Variants in DMD observed in about 807,000 individuals in gnomAD.
DMD encodes the protein dystrophin.
DMD carries 63 observed loss-of-function variants against 330.1 expected under a neutral mutation model. The observed-to-expected ratio is 0.19, with a 90% CI of 0.16 to 0.24. The LOEUF (loss-of-function observed/expected upper bound fraction) is 0.24, where lower values mean the gene tolerates loss of function less well. Among genes scored for constraint, DMD ranks in the 10% least tolerant of loss-of-function variants. DMD has a pLI of 1.00. For missense variants in DMD, 3,344 were observed against 2,684.1 expected (o/e 1.25, Z -5.43); for synonymous variants, 1,223 against 959.8 (o/e 1.27, Z -5.07).
At chrX:31,972,619 G>A (rs1202703032) in intron 44 of DMD, among the ~76,000 whole-genome samples, 5 of 110,950 alleles carry the variant, frequency 4.5e-5, no homozygotes, top group African/African-American at 1.6e-4. Flanking sequence ...AAATGCAACT[G>A]GAAGAAAAGA....
intron 44 of DMD, among the ~76,000 whole-genome samples, chrX:32,212,864 T>A (rs1191203677): frequency 2.7e-5 from 3 of 111,596 alleles, no homozygotes; most frequent in Non-Finnish European, 5.6e-5. Context: ...AAGCACTAAT[T>A]CATGTACTTA....
intron 2 of DMD, among the ~76,000 whole-genome samples, chrX:32,880,778 C>G (rs1321189477): frequency 9.0e-6 from 1 of 111,614 alleles, no homozygotes; most frequent in Non-Finnish European, 1.9e-5. Context: ...AACCTCATCT[C>G]TACTACAAAT....
Position 31,507,352 on chromosome X carries a change from G to T in DMD, c.8319C>A (p.Val2773=). ...TGTTATCCAAACGTCTTTGTAACAG[G>T]ACTGCATCATCGGAACCTTCCAGGG... is the stretch of plus-strand genomic sequence containing the variant. ...LRSLEGSDDA[V]LLQRRLDNMN... is the part of the protein sequence containing the mutation. Residue 2773 remains valine (V), a synonymous_variant, in exon 56 of 79, where the codon GTC becomes GTA. Transcript: ENST00000357033. 1 of 1,211,296 alleles carries T rather than the reference G, an allele frequency of 8.3e-7. No homozygotes were observed. Among genetic ancestry groups the T allele is most frequent in the South Asian group, 1.8e-5 (1 of 56,980 alleles).
intron 44 of DMD, among the ~76,000 whole-genome samples, chrX:32,066,602 C>T (rs2096261985): frequency 1.8e-5 from 2 of 111,361 alleles, no homozygotes; most frequent in South Asian, 7.5e-4. Flanking sequence ...AGATCTAGAG[C>T]CCTGTTGCAA....
chrX:33,081,877 T>TAACA (rs200060190), intron 1 of DMD, among the ~76,000 whole-genome samples: 1,370 of 111,376 alleles, frequency 0.012, 27 homozygotes, highest in African/African-American at 0.043. Context: ...AACCATCAGA[T>TAACA]AACACAATGA....
chrX:32,083,261 G>A (rs1321845669), intron 44 of DMD, among the ~76,000 whole-genome samples: 1 of 97,879 alleles, frequency 1.0e-5, no homozygotes, highest in African/African-American at 4.1e-5. Flanking sequence ...ATAGCCACCT[G>A]AATAAAAAAT....
At chrX:31,847,802 GATA>G (rs772779917) in intron 48 of DMD, among the ~76,000 whole-genome samples, 3 of 111,995 alleles carry the variant, frequency 2.7e-5, no homozygotes, top group South Asian at 7.4e-4. Flanking sequence ...TAACTGCTGT[GATA>G]ATATTAACAA....
chrX:32,177,514 T>C (rs940952496), intron 44 of DMD, among the ~76,000 whole-genome samples: 8 of 111,832 alleles, frequency 7.2e-5, no homozygotes. Flanking sequence ...ACCTTCACGG[T>C]AGTTTTGTGT....
intron 7 of DMD, among the ~76,000 whole-genome samples, chrX:32,714,942 C>T (rs931120787): frequency 9.0e-6 from 1 of 110,856 alleles, no homozygotes; most frequent in Non-Finnish European, 1.9e-5. Context: ...TAATCGTTCC[C>T]CCACCCTCTG....
chrX:32,685,274 A>C (rs780779780), intron 9 of DMD, among the ~76,000 whole-genome samples: 1 of 111,538 alleles, frequency 9.0e-6, no homozygotes, highest in South Asian at 3.7e-4. Flanking sequence ...CTTATTTCTC[A>C]TTCCATTAAT....
At chrX:32,462,208 C>G (rs1235051554) in intron 25 of DMD, among the ~76,000 whole-genome samples, 1 of 111,065 alleles carries the variant, frequency 9.0e-6, no homozygotes, top group Non-Finnish European at 1.9e-5. Context: ...TAGATTTTTT[C>G]CTACTCATAC....
chrX:32,557,434 T>C (rs1443011288), intron 16 of DMD, among the ~76,000 whole-genome samples: 1 of 112,180 alleles, frequency 8.9e-6, no homozygotes, highest in Non-Finnish European at 1.9e-5. Flanking sequence ...TTGAAATCTG[T>C]GCAAAATTAG....
chrX:32,601,399 T>C lies in DMD; in HGVS notation c.1483-5523A>G, dbSNP rs549647185. 1.5e-4 allele frequency among the ~76,000 whole-genome samples: 17 copies of C among 111,899 alleles called. 1 individual carries two copies. The Admixed American group carries it at 1.5e-3, about 10-fold the overall frequency. On this transcript the variant is annotated intron_variant, in intron 12 of 78. Coordinates refer to ENST00000357033, the MANE Select transcript of DMD (RefSeq NM_004006.3). ...ATTTTATCTTTTTGTTAGAAATGAA[T>C]GTTTATGTTTCTGCCAACTCCTAAG... is the stretch of plus-strand genomic sequence containing the variant.
chrX:33,135,347 G>A (rs1261304076), intron 1 of DMD, among the ~76,000 whole-genome samples: 1 of 111,758 alleles, frequency 8.9e-6, no homozygotes, highest in African/African-American at 3.2e-5. Flanking sequence ...CGTCCAACAC[G>A]TGTTATTTAA....
At chrX:31,165,746 T>C (rs1027462719) in intron 74 of DMD, among the ~76,000 whole-genome samples, 1 of 112,237 alleles carries the variant, frequency 8.9e-6, no homozygotes, top group Admixed American at 9.4e-5. Context: ...CTGAATTATA[T>C]GTGGTAATGA....
intron 52 of DMD, among the ~76,000 whole-genome samples, chrX:31,694,983 G>T (rs2083364538): frequency 9.0e-6 from 1 of 110,936 alleles, no homozygotes; most frequent in Admixed American, 9.6e-5. Flanking sequence ...CATTGTTGTA[G>T]CACTGTTCAC....
At chrX:31,456,836 A>ATGTG (rs5901988) in intron 59 of DMD, among the ~76,000 whole-genome samples, 4,250 of 83,096 alleles carry the variant, frequency 0.051, 176 homozygotes, top group African/African-American at 0.13. Context: ...GCCCACATAT[A>ATGTG]TGTGTGTGTG....
At chrX:31,751,000 C>T (rs771096198) in intron 51 of DMD, among the ~76,000 whole-genome samples, 29 of 108,157 alleles carry the variant, frequency 2.7e-4, no homozygotes, top group South Asian at 4.1e-4. Context: ...TAAAAGAGGA[C>T]ACAAACAAAT....
At chrX:32,679,555 T>TAATTCAAA (rs1383228494) in intron 9 of DMD, among the ~76,000 whole-genome samples, 1 of 111,036 alleles carries the variant, frequency 9.0e-6, no homozygotes, top group Non-Finnish European at 1.9e-5. Flanking sequence ...GAACTAAATG[T>TAATTCAAA]AATTCAAAAA....
Sources: gnomAD v4.1 joint callset for allele counts (sites outside exome capture counted in the v4.1 genomes callset) on GRCh38, gnomAD v4.1.1 for gene constraint, MANE v1.5 for transcripts, NCBI Gene and HGNC (gene_info 2026-07-23, HGNC 2026-07-21) for gene names.